THSD7B: variants seen among roughly 807,000 people sequenced by gnomAD.
THSD7B encodes the protein thrombospondin type-1 domain-containing protein 7B.
A neutral mutation model predicts 213.6 loss-of-function variants in THSD7B; 138 were observed. That is an observed-to-expected ratio of 0.65 (90% CI 0.56 to 0.74). The LOEUF (loss-of-function observed/expected upper bound fraction) is 0.74. THSD7B is among the 30% of genes least tolerant of loss of function. The pLI is 0.00. For synonymous variants in THSD7B, 742 were observed against 687.0 expected (o/e 1.08, Z -1.25); for missense variants, 1,931 against 1,991.5 (o/e 0.97, Z 0.58).
At position 136,916,070 on chromosome 2, in the gene THSD7B, T is replaced by A. The variant is rs557755826; in HGVS notation, c.139+33753T>A. ...TCTTTCCCTAGTAATTGGTCTAAAT[T>A]TTGCTAGAGGGAAGAAGTACAGGTA... On this transcript the variant is annotated intron_variant, in intron 2 of 27. Coordinates refer to ENST00000409968, the MANE Select transcript of THSD7B (RefSeq NM_001316349.2). 5.1e-4 allele frequency among the ~76,000 whole-genome samples: 77 copies of A among 152,316 alleles called. 1 individual carries two copies. In the South Asian group the frequency reaches 0.016, roughly 31 times the overall value.
rs536975537 is a variant in THSD7B at position 137,356,584 on chromosome 2, C to T, written c.2501-49029C>T. On this transcript the variant is annotated intron_variant, in intron 12 of 27. Coordinates refer to ENST00000409968, the MANE Select transcript of THSD7B (RefSeq NM_001316349.2). ...CCATGACTTGCTTTGGCTAATAGGA[C>T]GTTGGTAATCATGACACAAGCCTAG... 5.3e-5 allele frequency among the ~76,000 whole-genome samples: 8 copies of T among 152,166 alleles called. No homozygotes were observed. The South Asian group carries it at 1.0e-3, about 20-fold the overall frequency.
chr2:137,598,465 T>C (rs1479329241), intron 17 of THSD7B, among the ~76,000 whole-genome samples: 1 of 152,198 alleles, frequency 6.6e-6, no homozygotes, highest in Non-Finnish European at 1.5e-5. Flanking sequence ...CACTAATTCA[T>C]AGAATAAAGT....
Position 137,676,692 on chromosome 2 carries a change from T to G in THSD7B, c.*87T>G. 8.3e-7 allele frequency: 1 copy of G among 1,209,662 alleles called. No homozygotes were observed. Among genetic ancestry groups the G allele is most frequent in the African/African-American group, 1.6e-5 (1 of 63,720 alleles). The allele number at this position is 1,209,662 out of a possible 1,614,324, so 74.9% of individuals were successfully genotyped here. On this transcript the variant is annotated 3_prime_UTR_variant, in exon 28 of 28. Transcript: ENST00000409968. ...TCAGACTTCTCAGTTTTTTGAGGAA[T>G]CTCAAGATGTGATATATTGGGCAGA...
intron 2 of THSD7B, among the ~76,000 whole-genome samples, chr2:136,886,113 G>A (rs984259769): frequency 3.3e-5 from 5 of 152,150 alleles, no homozygotes; most frequent in Non-Finnish European, 5.9e-5. Flanking sequence ...CAGCATGCAG[G>A]AGCAGAGTGA....
chr2:137,428,350 T>G (rs1285786244), intron 14 of THSD7B, among the ~76,000 whole-genome samples: 1 of 152,174 alleles, frequency 6.6e-6, no homozygotes, highest in Admixed American at 6.5e-5. Context: ...ACATTGCTCG[T>G]GAGAATACAA....
At chr2:136,880,893 G>A (rs981828802) in intron 1 of THSD7B, among the ~76,000 whole-genome samples, 2 of 152,096 alleles carry the variant, frequency 1.3e-5, no homozygotes, top group Admixed American at 6.6e-5. Flanking sequence ...TATGATTCTT[G>A]TTACTACTTA....
intron 18 of THSD7B, among the ~76,000 whole-genome samples, chr2:137,616,716 G>T (rs1412774956): frequency 6.6e-6 from 1 of 152,168 alleles, no homozygotes; most frequent in African/African-American, 2.4e-5. Context: ...AGCTTGTGAG[G>T]TACTTTCTGT....
chr2:136,809,541 A>G (rs1478136789), intron 1 of THSD7B, among the ~76,000 whole-genome samples: 1 of 152,196 alleles, frequency 6.6e-6, no homozygotes, highest in Non-Finnish European at 1.5e-5. Flanking sequence ...AGGTCTGGGC[A>G]GGACCTGAGA....
intron 14 of THSD7B, among the ~76,000 whole-genome samples, chr2:137,425,797 T>TTGCCAC (rs1371190659): frequency 6.6e-6 from 1 of 152,186 alleles, no homozygotes; most frequent in African/African-American, 2.4e-5. Flanking sequence ...ATGCTTATTC[T>TTGCCAC]TGCCACTTCT....
At chr2:137,651,571 T>G (rs1683138221) in intron 21 of THSD7B, among the ~76,000 whole-genome samples, 1 of 152,048 alleles carries the variant, frequency 6.6e-6, no homozygotes, top group Non-Finnish European at 1.5e-5. Flanking sequence ...ATGGCTACTC[T>G]GATGTATATG....
chr2:137,493,449 T>C (rs1170852430), intron 15 of THSD7B, among the ~76,000 whole-genome samples: 1 of 152,152 alleles, frequency 6.6e-6, no homozygotes, highest in Admixed American at 6.5e-5. Flanking sequence ...CTGTCTTCTG[T>C]TGTCCTAAGA....
chr2:137,052,673 G>A (rs950923095), intron 2 of THSD7B, among the ~76,000 whole-genome samples: 2 of 152,110 alleles, frequency 1.3e-5, no homozygotes, highest in African/African-American at 4.8e-5. Flanking sequence ...GACAAGAGAT[G>A]TAAGATTTCT....
At chr2:137,404,260 T>C (rs1264731748) in intron 12 of THSD7B, among the ~76,000 whole-genome samples, 2 of 151,078 alleles carry the variant, frequency 1.3e-5, no homozygotes, top group Admixed American at 1.3e-4. Flanking sequence ...AAAGTAGAAT[T>C]ACCATTTGAT....
intron 6 of THSD7B, among the ~76,000 whole-genome samples, chr2:137,161,941 C>T (rs1278916971): frequency 6.6e-6 from 1 of 152,192 alleles, no homozygotes; most frequent in Non-Finnish European, 1.5e-5. Flanking sequence ...AAGGCTCCTC[C>T]AGTCACTGTG....
intron 12 of THSD7B, among the ~76,000 whole-genome samples, chr2:137,404,472 T>TAC (rs1274761285): frequency 9.7e-4 from 55 of 56,782 alleles, no homozygotes; most frequent in African/African-American, 3.3e-3. Context: ...TATATATATA[T>TAC]ATACACACAC....
chr2:137,132,280 G>A (rs1387335794), intron 5 of THSD7B, among the ~76,000 whole-genome samples: 3 of 151,392 alleles, frequency 2.0e-5, no homozygotes, highest in Non-Finnish European at 4.4e-5. Flanking sequence ...GAGATTTTAG[G>A]CTGAGACAAT....
intron 9 of THSD7B, 73 bp downstream of exon 9, chr2:137,233,206 C>G (rs1681683051): frequency 2.2e-6 from 3 of 1,365,690 alleles, no homozygotes; most frequent in Admixed American, 4.1e-5. Context: ...AAGCATTTAT[C>G]AAGCAATAGA....
At chr2:136,787,443 C>T in intron 1 of THSD7B, among the ~76,000 whole-genome samples, 1 of 152,012 alleles carries the variant, frequency 6.6e-6, no homozygotes, top group East Asian at 1.9e-4. Context: ...TCTCAGGCCG[C>T]TGGAAGGACT....
intron 15 of THSD7B, among the ~76,000 whole-genome samples, chr2:137,562,626 G>GTGTA (rs1442894509): frequency 2.0e-5 from 3 of 150,480 alleles, no homozygotes; most frequent in South Asian, 2.1e-4. Flanking sequence ...GTGTGTGTGT[G>GTGTA]TGTGTATCTG....
Sources: allele counts gnomAD v4.1 joint callset (sites outside exome capture counted in the v4.1 genomes callset), GRCh38; gene constraint gnomAD v4.1.1; transcripts MANE v1.5; gene names NCBI Gene and HGNC (gene_info 2026-07-23, HGNC 2026-07-21).